FANCL: variants seen among roughly 807,000 people sequenced by gnomAD.
FANCL encodes the protein E3 ubiquitin-protein ligase FANCL.
A neutral mutation model predicts 59.4 loss-of-function variants in FANCL; 69 were observed. The observed-to-expected ratio is 1.16, with a 90% CI of 0.96 to 1.42. The LOEUF (loss-of-function observed/expected upper bound fraction) is 1.42, where lower values mean the gene tolerates loss of function less well. Among genes scored for constraint, FANCL ranks in the 40% most tolerant of loss-of-function variants. The probability of loss-of-function intolerance (pLI) is 0.00; values close to 1 mark genes in which losing one functional copy is unlikely to be tolerated. For missense variants in FANCL, 519 were observed against 447.2 expected (o/e 1.16, Z -1.45); for synonymous variants, 180 against 147.1 (o/e 1.22, Z -1.62).
In FANCL at chr2:58,188,897, A is replaced by G. The variant is rs188935358; in HGVS notation, c.540+9697T>C. Among the ~76,000 whole-genome samples the G allele has an allele frequency of 9.2e-5, 14 of 152,322 alleles. No individual in the cohort carries two copies. In the East Asian group the frequency reaches 1.2e-3, roughly 13 times the overall value. On this transcript the variant is annotated intron_variant, in intron 7 of 13. Transcript: ENST00000233741. ...ATGCCCATCAAAAGGTGAATGGCCA[A>G]TATGTGGCACATCCATCAATACTTA... is the stretch of plus-strand genomic sequence containing the variant.
At chr2:58,181,889 A>G (rs2104965930) in intron 7 of FANCL, among the ~76,000 whole-genome samples, 1 of 151,978 alleles carries the variant, frequency 6.6e-6, no homozygotes, top group African/African-American at 2.4e-5. Context: ...GTTATAGACT[A>G]ATTTGCTTCA....
chr2:58,240,859 G>A (rs546640886), intron 1 of FANCL, among the ~76,000 whole-genome samples: 1 of 152,276 alleles, frequency 6.6e-6, no homozygotes, highest in South Asian at 2.1e-4. Flanking sequence ...CCGTGGAGGT[G>A]GAGGGTGTTA....
intron 6 of FANCL, among the ~76,000 whole-genome samples, chr2:58,200,971 G>A (rs1013160902): frequency 2.0e-5 from 3 of 150,632 alleles, no homozygotes; most frequent in African/African-American, 4.9e-5. Flanking sequence ...AATCAATTTT[G>A]TTTATATAAC....
intron 7 of FANCL, among the ~76,000 whole-genome samples, chr2:58,188,035 T>C (rs1193143589): frequency 6.6e-6 from 1 of 152,220 alleles, no homozygotes; most frequent in Non-Finnish European, 1.5e-5. Context: ...CTGTGTTTCT[T>C]CTAGAAGCTT....
chr2:58,176,026 A>C (rs2104913733), intron 7 of FANCL, among the ~76,000 whole-genome samples: 1 of 152,298 alleles, frequency 6.6e-6, no homozygotes, highest in African/African-American at 2.4e-5. Flanking sequence ...ACTCCCATTC[A>C]CAATTGCTTC....
At chr2:58,178,694 C>G (rs1687619301) in intron 7 of FANCL, among the ~76,000 whole-genome samples, 1 of 152,134 alleles carries the variant, frequency 6.6e-6, no homozygotes, top group African/African-American at 2.4e-5. Context: ...CTCTCTCTCA[C>G]CACTCCTATT....
chr2:58,175,736 CCT>C (rs1421542750), intron 7 of FANCL, among the ~76,000 whole-genome samples: 1 of 152,082 alleles, frequency 6.6e-6, no homozygotes, highest in Non-Finnish European at 1.5e-5. Flanking sequence ...ACAGGGATGC[CCT>C]CTCTCACCAC....
At chr2:58,230,680 C>G (rs1469973850) in intron 2 of FANCL, among the ~76,000 whole-genome samples, 1 of 152,096 alleles carries the variant, frequency 6.6e-6, no homozygotes, top group Non-Finnish European at 1.5e-5. Flanking sequence ...CTTCAAATCC[C>G]CATAACCATC....
intron 7 of FANCL, among the ~76,000 whole-genome samples, chr2:58,177,064 A>T (rs2104923870): frequency 6.6e-6 from 1 of 152,356 alleles, no homozygotes; most frequent in East Asian, 1.9e-4. Flanking sequence ...AGAAATGCAA[A>T]TCAAAACCAC....
At chr2:58,186,864 G>A (rs1343721406) in intron 7 of FANCL, among the ~76,000 whole-genome samples, 1 of 152,174 alleles carries the variant, frequency 6.6e-6, no homozygotes, top group Admixed American at 6.5e-5. Context: ...AAACCAGAAT[G>A]AGATATCATC....
chr2:58,167,085 G>A (rs1026644716), intron 7 of FANCL, among the ~76,000 whole-genome samples: 7 of 152,140 alleles, frequency 4.6e-5, no homozygotes, highest in African/African-American at 9.7e-5. Flanking sequence ...AGTGGCACGC[G>A]CCCATAGTCC....
In FANCL at chr2:58,162,913, C is replaced by A. The variant is rs1685420223; in HGVS notation, c.856G>T (p.Asp286Tyr). ...GCTGGAAAATCAATTTCTAAAACAT[C>A]TTTCAAATTTTGTAACACACTATTT... ...PENSVLQNLK[D>Y]VLEIDFPARA... is the part of the protein sequence containing the mutation. The change falls in exon 11 of 14, where the codon GAT (aspartate) becomes TAT (tyrosine). Residue 286 changes from aspartate (D) to tyrosine (Y), a missense_variant. Coordinates refer to ENST00000233741, the MANE Select transcript of FANCL (RefSeq NM_018062.4). The A allele has an allele frequency of 1.2e-6, 2 of 1,612,828 alleles. No homozygotes were observed. Among genetic ancestry groups the A allele is most frequent in the Admixed American group, 1.7e-5 (1 of 59,900 alleles).
intron 11 of FANCL, 82 bp downstream of exon 11, chr2:58,162,784 C>T (rs1404844500): frequency 8.1e-7 from 1 of 1,227,840 alleles, no homozygotes; most frequent in Non-Finnish European, 1.2e-6. Flanking sequence ...CCTCCTTTTT[C>T]AGCCTCATTT....
intron 5 of FANCL, among the ~76,000 whole-genome samples, chr2:58,218,408 A>C (rs1692058754): frequency 6.6e-6 from 1 of 152,000 alleles, no homozygotes; most frequent in African/African-American, 2.4e-5. Flanking sequence ...AAACTGATTA[A>C]GAAAAATTAA....
In FANCL at chr2:58,159,665, TA is replaced by T; in HGVS notation, c.*99del. 4.3e-6 allele frequency: 7 copies of T among 1,613,136 alleles called. No individual in the cohort carries two copies. Among genetic ancestry groups the T allele is most frequent in the Non-Finnish European group, 5.9e-6 (7 of 1,179,556 alleles). On this transcript the variant is annotated 3_prime_UTR_variant, in exon 14 of 14. Coordinates refer to ENST00000233741, the MANE Select transcript of FANCL (RefSeq NM_018062.4). ...ATCATCATACCTGTCCTTTTGATGT[TA>T]GTATTTCTTGCTTTATTTTTTCTCT...
At chr2:58,217,442 A>G (rs1461569884) in intron 5 of FANCL, among the ~76,000 whole-genome samples, 1 of 151,102 alleles carries the variant, frequency 6.6e-6, no homozygotes, top group Non-Finnish European at 1.5e-5. Context: ...AAACTATGAA[A>G]GAAAATAGAG....
intron 5 of FANCL, among the ~76,000 whole-genome samples, chr2:58,209,475 C>T (rs557467881): frequency 4.0e-5 from 6 of 151,834 alleles, no homozygotes; most frequent in East Asian, 1.9e-4. Flanking sequence ...TTCAGTTTAA[C>T]TGAAAACCAT....
chr2:58,176,258 T>G (rs1177387928), intron 7 of FANCL, among the ~76,000 whole-genome samples: 1 of 152,156 alleles, frequency 6.6e-6, no homozygotes, highest in Non-Finnish European at 1.5e-5. Context: ...GTGACTTTCT[T>G]CACAGAATTG....
intron 7 of FANCL, among the ~76,000 whole-genome samples, chr2:58,180,620 T>A (rs1280037079): frequency 6.6e-6 from 1 of 151,990 alleles, no homozygotes; most frequent in African/African-American, 2.4e-5. Context: ...GTCGGGTTGA[T>A]GGGTGCAGCA....
Sources: allele counts gnomAD v4.1 joint callset (sites outside exome capture counted in the v4.1 genomes callset), GRCh38; gene constraint gnomAD v4.1.1; transcripts MANE v1.5; gene names NCBI Gene and HGNC (gene_info 2026-07-23, HGNC 2026-07-21).